AGBL1: variants seen among roughly 807,000 people sequenced by gnomAD.
AGBL1 encodes AGBL carboxypeptidase 1, also known as cytosolic carboxypeptidase 4.
AGBL1 carries 130 observed loss-of-function variants against 118.9 expected under a neutral mutation model. The observed-to-expected ratio is 1.09, with a 90% CI of 0.95 to 1.26. AGBL1 has a LOEUF of 1.26. Ranked by LOEUF, AGBL1 falls within the 50% of genes most tolerant of loss-of-function variation. The probability of loss-of-function intolerance (pLI) is 0.00; values close to 1 mark genes in which losing one functional copy is unlikely to be tolerated. For missense variants in AGBL1, 1,584 were observed against 1,298.1 expected (o/e 1.22, Z -3.38); for synonymous variants, 555 against 478.9 (o/e 1.16, Z -2.08).
intron 22 of AGBL1, among the ~76,000 whole-genome samples, chr15:86,832,138 C>T (rs2141417204): frequency 6.6e-6 from 1 of 152,306 alleles, no homozygotes; most frequent in East Asian, 1.9e-4. Context: ...GGGCACTGGG[C>T]CAGGCCCATG....
chr15:86,337,305 A>G (rs187605853), intron 17 of AGBL1, among the ~76,000 whole-genome samples: 123 of 152,238 alleles, frequency 8.1e-4, no homozygotes, highest in Non-Finnish European at 1.3e-3. Context: ...ACTGTCTTGT[A>G]TTACCAGTAG....
intron 17 of AGBL1, among the ~76,000 whole-genome samples, chr15:86,306,086 A>G (rs1165233127): frequency 1.3e-5 from 2 of 152,212 alleles, no homozygotes; most frequent in Middle Eastern, 3.4e-3. Flanking sequence ...GTTTTGATAC[A>G]GGCACACAAT....
Position 86,623,581 on chromosome 15 carries a change from C to T in AGBL1, c.2995-50692C>T, listed in dbSNP as rs1414684341. On this transcript the variant is annotated intron_variant, in intron 21 of 22. Coordinates refer to ENST00000614907, the MANE Select transcript of AGBL1 (RefSeq NM_001386094.1). ...CACCAGCTCTGGATGCTTGTTCTTG[C>T]TCTCTTTATTTTATTTTTGTTATCT... Among the ~76,000 whole-genome samples the T allele has an allele frequency of 2.0e-5, 3 of 152,294 alleles. No homozygotes were observed. In the East Asian group the frequency reaches 5.8e-4, roughly 29 times the overall value.
chr15:86,162,348 A>G (rs1446363006), intron 5 of AGBL1, among the ~76,000 whole-genome samples: 2 of 152,126 alleles, frequency 1.3e-5, no homozygotes, highest in Non-Finnish European at 2.9e-5. Context: ...TCCTGTGGAG[A>G]TTAGACCTGC....
At chr15:86,080,814 C>G (rs1895223858) in intron 1 of AGBL1, among the ~76,000 whole-genome samples, 1 of 151,862 alleles carries the variant, frequency 6.6e-6, no homozygotes, top group Non-Finnish European at 1.5e-5. Context: ...CCACTACTCT[C>G]TATGCTTGTA....
At chr15:86,599,472 TTTA>T (rs1183280927) in intron 21 of AGBL1, among the ~76,000 whole-genome samples, 1 of 152,142 alleles carries the variant, frequency 6.6e-6, no homozygotes, top group Non-Finnish European at 1.5e-5. Flanking sequence ...TGTCTCTGGC[TTTA>T]TTTTTATGTT....
intron 24 of AGBL1, among the ~76,000 whole-genome samples, chr15:86,996,067 CA>C (rs1015069389): frequency 1.8e-4 from 27 of 152,282 alleles, no homozygotes; most frequent in Middle Eastern, 3.4e-3. Flanking sequence ...GCATTTTTTA[CA>C]AACCCCATAA....
intron 17 of AGBL1, among the ~76,000 whole-genome samples, chr15:86,326,841 G>A (rs1001473048): frequency 6.6e-6 from 1 of 152,042 alleles, no homozygotes; most frequent in Non-Finnish European, 1.5e-5. Flanking sequence ...GCTAGAAGGG[G>A]GTCAGAATAG....
At chr15:86,205,599 C>T (rs1436579869) in intron 5 of AGBL1, among the ~76,000 whole-genome samples, 2 of 152,196 alleles carry the variant, frequency 1.3e-5, no homozygotes. Context: ...CCTGTTGCTC[C>T]ATCCTCACCA....
intron 17 of AGBL1, among the ~76,000 whole-genome samples, chr15:86,322,000 G>T (rs1394342984): frequency 6.6e-6 from 1 of 151,276 alleles, no homozygotes; most frequent in Non-Finnish European, 1.5e-5. Flanking sequence ...TAATTTTATT[G>T]TAAGCAGAGA....
intron 22 of AGBL1, among the ~76,000 whole-genome samples, chr15:86,904,329 G>A (rs2080252454): frequency 1.3e-5 from 2 of 151,632 alleles, no homozygotes; most frequent in Admixed American, 1.3e-4. Flanking sequence ...CCACGTTTCA[G>A]TGTCTTCTTA....
intron 18 of AGBL1, among the ~76,000 whole-genome samples, chr15:86,467,595 T>C (rs2082423654): frequency 6.6e-6 from 1 of 152,196 alleles, no homozygotes; most frequent in African/African-American, 2.4e-5. Flanking sequence ...CCCAGGGCAC[T>C]AGTGAAATAG....
intron 22 of AGBL1, among the ~76,000 whole-genome samples, chr15:86,798,928 G>C (rs905013510): frequency 1.3e-5 from 2 of 151,938 alleles, no homozygotes; most frequent in African/African-American, 2.4e-5. Flanking sequence ...TGGGGAAGAA[G>C]CTGGTTTGCT....
chr15:86,747,898 T>C lies in AGBL1; in HGVS notation c.3158+73462T>C, dbSNP rs148583072. Among the ~76,000 whole-genome samples the C allele has an allele frequency of 2.9e-3, 441 of 152,302 alleles. 2 individuals carry two copies. Among genetic ancestry groups the C allele is most frequent in the African/African-American group, 1.0e-2 (415 of 41,570 alleles). ...TATCGTTGATGGACATTTGGGTTGGTTCCAAGTCTTTGCTATTGTGAATAG... is the reference window on the plus strand; with the variant it reads ...TATCGTTGATGGACATTTGGGTTGGCTCCAAGTCTTTGCTATTGTGAATAG... On this transcript the variant is annotated intron_variant, in intron 22 of 22. Coordinates refer to ENST00000614907, the MANE Select transcript of AGBL1 (RefSeq NM_001386094.1).
chr15:86,758,966 C>CAAAAAAAA (rs80297816), intron 22 of AGBL1, among the ~76,000 whole-genome samples: 2 of 80,912 alleles, frequency 2.5e-5, no homozygotes, highest in Non-Finnish European at 5.1e-5. Flanking sequence ...GACACCCTGT[C>CAAAAAAAA]AAAAAAAAAA....
At chr15:86,440,181 A>G (rs1014797456) in intron 18 of AGBL1, among the ~76,000 whole-genome samples, 13 of 152,188 alleles carry the variant, frequency 8.5e-5, no homozygotes, top group Non-Finnish European at 1.6e-4. Flanking sequence ...AGCAAATGAT[A>G]CTTTGAAAAT....
At chr15:86,197,056 C>G (rs1462618377) in intron 5 of AGBL1, among the ~76,000 whole-genome samples, 1 of 152,144 alleles carries the variant, frequency 6.6e-6, no homozygotes, top group Admixed American at 6.5e-5. Context: ...TGTTGCTTAA[C>G]CCACCCAGTC....
chr15:86,919,241 C>G (rs1430404005), downstream of AGBL1, among the ~76,000 whole-genome samples: 3 of 152,164 alleles, frequency 2.0e-5, no homozygotes, highest in Non-Finnish European at 2.9e-5. Context: ...AACAAGACCG[C>G]TTAGCAAAGA....
chr15:86,590,360 G>C (rs2084317280), intron 21 of AGBL1, among the ~76,000 whole-genome samples: 1 of 152,124 alleles, frequency 6.6e-6, no homozygotes, highest in Non-Finnish European at 1.5e-5. Flanking sequence ...ATGAGAGTGA[G>C]TTCTCACAAG....
Sources: allele counts gnomAD v4.1 joint callset (sites outside exome capture counted in the v4.1 genomes callset), GRCh38; gene constraint gnomAD v4.1.1; transcripts MANE v1.5; gene names NCBI Gene and HGNC (gene_info 2026-07-23, HGNC 2026-07-21).